The following AKAP12 variants were observed in gnomAD, a reference collection of about 807,000 sequenced individuals.
AKAP12 encodes the protein A-kinase anchoring protein 12.
Under a neutral mutation model 79.9 loss-of-function variants are expected in AKAP12, and 32 were observed. The observed-to-expected ratio is 0.40, with a 90% CI of 0.30 to 0.54. The LOEUF (loss-of-function observed/expected upper bound fraction) is 0.54, where lower values mean the gene tolerates loss of function less well. Among genes scored for constraint, AKAP12 ranks in the 20% least tolerant of loss-of-function variants. The pLI is 0.48. For missense variants in AKAP12, 2,074 were observed against 2,177.0 expected (o/e 0.95, Z 0.94); for synonymous variants, 808 against 857.0 (o/e 0.94, Z 1.00).
Position 151,270,057 on chromosome 6 carries a change from TTTG to T in AKAP12, c.162+29348_162+29350del, listed in dbSNP as rs939350471. 7.2e-5 allele frequency among the ~76,000 whole-genome samples: 11 copies of T among 152,202 alleles called. No individual in the cohort carries two copies. In the South Asian group the frequency reaches 1.2e-3, roughly 17 times the overall value. ...TATAGCGTACATCAGTACTTCCTGT[TTTG>T]TTGTTGTTGTTGTTTGAGACAGTCT... On this transcript the variant is annotated intron_variant, in intron 2 of 4. Transcript: ENST00000402676.
chr6:151,281,771 G>A (rs113667241), intron 2 of AKAP12, among the ~76,000 whole-genome samples: 1 of 149,214 alleles, frequency 6.7e-6, no homozygotes, highest in East Asian at 2.1e-4. Flanking sequence ...CTGCAGCCTT[G>A]ACTTCCTGGG....
chr6:151,240,773 G>T (rs1335289716), intron 2 of AKAP12, 49 bp downstream of exon 2: 20 of 1,135,188 alleles, frequency 1.8e-5, no homozygotes, highest in African/African-American at 2.0e-5. Context: ...GTCTTTGGGG[G>T]TGGGGGTGGG....
At chr6:151,300,256 A>T (rs1254220050) in intron 2 of AKAP12, among the ~76,000 whole-genome samples, 1 of 152,092 alleles carries the variant, frequency 6.6e-6, no homozygotes, top group Non-Finnish European at 1.5e-5. Flanking sequence ...TGTCCTGGTT[A>T]TATTGGCTTC....
chr6:151,352,994 C>G lies in AKAP12; in HGVS notation c.4603C>G (p.Pro1535Ala). The G allele has an allele frequency of 1.9e-6, 3 of 1,613,764 alleles. No homozygotes were observed. Among genetic ancestry groups the G allele is most frequent in the Non-Finnish European group, 2.5e-6 (3 of 1,179,970 alleles). Reference protein sequence around the residue: ...KVSVAIEDLEPENGILELETK... With the variant: ...KVSVAIEDLEAENGILELETK... ...GAGTGTAGCAATTGAGGATTTAGAG[C>G]CTGAAAATGGGATTTTGGAACTTGA... The change falls in exon 4 of 5, where the codon CCT (proline) becomes GCT (alanine). Residue 1535 changes from proline (P) to alanine (A), a missense_variant. Pro to Ala is a conservative substitution (Grantham distance 27, BLOSUM62 -1). Coordinates refer to ENST00000402676, the MANE Select transcript of AKAP12 (RefSeq NM_005100.4).
chr6:151,244,815 A>G (rs964399017), intron 2 of AKAP12, among the ~76,000 whole-genome samples: 1 of 152,240 alleles, frequency 6.6e-6, no homozygotes, highest in Non-Finnish European at 1.5e-5. Context: ...ACAGAGACCA[A>G]AAATTGGAGA....
In AKAP12 at chr6:151,351,388, C is replaced by T; in HGVS notation, c.2997C>T (p.Thr999=). The T allele has an allele frequency of 6.8e-6, 11 of 1,614,192 alleles. No homozygotes were observed. Among genetic ancestry groups the T allele is most frequent in the Non-Finnish European group, 9.3e-6 (11 of 1,180,034 alleles). ...EGTEASAAEE[T]TEMVSAVSQL... ...CCGAAGCATCTGCTGCTGAAGAGACCACAGAAATGGTGTCAGCAGTCTCCC... is the reference window on the plus strand; with the variant it reads ...CCGAAGCATCTGCTGCTGAAGAGACTACAGAAATGGTGTCAGCAGTCTCCC... The change falls in exon 4 of 5, where the codon ACC becomes ACT. Residue 999 remains threonine (T), a synonymous_variant. Coordinates refer to ENST00000402676, the MANE Select transcript of AKAP12 (RefSeq NM_005100.4). The surrounding 1 kb of genome is among the most constrained non-coding windows in gnomAD (Gnocchi z 4.4).
chr6:151,269,242 A>G (rs1776127251), intron 2 of AKAP12, among the ~76,000 whole-genome samples: 1 of 151,956 alleles, frequency 6.6e-6, no homozygotes, highest in Non-Finnish European at 1.5e-5. Flanking sequence ...TCAAGGATGG[A>G]TGATAATCCC....
intron 2 of AKAP12, among the ~76,000 whole-genome samples, chr6:151,282,442 G>A (rs937011420): frequency 1.3e-5 from 2 of 152,068 alleles, no homozygotes; most frequent in African/African-American, 2.4e-5. Flanking sequence ...TCCAGCTCAC[G>A]CATGGGGGTT....
chr6:151,257,856 G>C (rs1797331809), intron 2 of AKAP12, among the ~76,000 whole-genome samples: 1 of 152,172 alleles, frequency 6.6e-6, no homozygotes, highest in South Asian at 2.1e-4. Flanking sequence ...GGATTGGGTG[G>C]AAGAGAAAGA....
At chr6:151,260,756 G>A (rs1423678349) in intron 2 of AKAP12, among the ~76,000 whole-genome samples, 4 of 149,534 alleles carry the variant, frequency 2.7e-5, no homozygotes, top group Non-Finnish European at 5.9e-5. Flanking sequence ...ACTTTGGGAG[G>A]CCCCCAGTGG....
chr6:151,291,381 T>C (rs1582860132), intron 2 of AKAP12, among the ~76,000 whole-genome samples: 1 of 152,272 alleles, frequency 6.6e-6, no homozygotes. Flanking sequence ...AGCTTGCAGA[T>C]TGTGCTCTTT....
rs147198190 is a variant in AKAP12, at chr6:151,307,870, A to G, written c.319+1967A>G. Among the ~76,000 whole-genome samples the G allele has an allele frequency of 3.7e-3, 566 of 151,994 alleles. 2 individuals are homozygous for G. The highest frequency in any genetic ancestry group is 0.014 in the Middle Eastern group (4 of 294). Reference sequence around the variant, plus strand: ...GGAAGGGTGGTGATTTTTATTTTTTATTTTTTGAGATGGTGTCTCAGTCTC... The same window carrying G: ...GGAAGGGTGGTGATTTTTATTTTTTGTTTTTTGAGATGGTGTCTCAGTCTC... On this transcript the variant is annotated intron_variant, in intron 3 of 4. Coordinates refer to ENST00000402676, the MANE Select transcript of AKAP12 (RefSeq NM_005100.4).
chr6:151,336,569 AC>A (rs1004370131), intron 3 of AKAP12, among the ~76,000 whole-genome samples: 1 of 152,034 alleles, frequency 6.6e-6, no homozygotes, highest in African/African-American at 2.4e-5. Flanking sequence ...ACATGGTGAA[AC>A]CCCGTCTCTA....
chr6:151,324,583 G>C, intron 3 of AKAP12: 1 of 985,318 alleles, frequency 1.0e-6, no homozygotes, highest in Non-Finnish European at 1.2e-6. Context: ...TAATGAACAA[G>C]ATCTTCATTC....
chr6:151,272,871 T>C (rs183623247), intron 2 of AKAP12, among the ~76,000 whole-genome samples: 2 of 152,022 alleles, frequency 1.3e-5, no homozygotes, highest in Admixed American at 6.6e-5. Flanking sequence ...GCCAGTTGTC[T>C]TATGTAGTGG....
intron 3 of AKAP12, among the ~76,000 whole-genome samples, chr6:151,340,784 T>TTCA (rs1777924749): frequency 6.6e-6 from 1 of 152,078 alleles, no homozygotes; most frequent in African/African-American, 2.4e-5. Flanking sequence ...ATTTTCGTCC[T>TTCA]GTGACACTGA....
chr6:151,343,521 C>T (rs947016742), intron 3 of AKAP12, among the ~76,000 whole-genome samples: 1 of 152,178 alleles, frequency 6.6e-6, no homozygotes, highest in Non-Finnish European at 1.5e-5. Flanking sequence ...CGGTGGCTCA[C>T]GCCTGTAATC....
intron 2 of AKAP12, among the ~76,000 whole-genome samples, chr6:151,245,035 T>A (rs1250698636): frequency 6.6e-6 from 1 of 152,226 alleles, no homozygotes; most frequent in African/African-American, 2.4e-5. Flanking sequence ...TAAGCTGACA[T>A]TATAAGATTA....
Position 151,347,210 on chromosome 6 carries a change from C to T in AKAP12, c.320-1501C>T, listed in dbSNP as rs184820282. Reference sequence around the variant, plus strand: ...CACCTCCATCAGCTTTTGAGCATCTCCTTTCTGTTACAACAAAATATTCTT... The same window carrying T: ...CACCTCCATCAGCTTTTGAGCATCTTCTTTCTGTTACAACAAAATATTCTT... On this transcript the variant is annotated intron_variant, in intron 3 of 4. Transcript: ENST00000402676. Among the ~76,000 whole-genome samples, 20 of 152,366 alleles carry T rather than the reference C, an allele frequency of 1.3e-4. No homozygotes were observed. The East Asian group carries it at 2.9e-3, about 22-fold the overall frequency.
Sources: gnomAD v4.1 joint callset for allele counts (sites outside exome capture counted in the v4.1 genomes callset) on GRCh38, gnomAD v4.1.1 for gene constraint, Gnocchi (gnomAD v3.1) non-coding constraint, MANE v1.5 for transcripts, NCBI Gene and HGNC (gene_info 2026-07-23, HGNC 2026-07-21) for gene names.